The following ADGRA1 variants were observed in gnomAD, a reference collection of about 807,000 sequenced individuals.
ADGRA1 encodes adhesion G protein-coupled receptor A1, also known as G-protein coupled receptor 123.
ADGRA1 carries 12 observed loss-of-function variants against 21.3 expected under a neutral mutation model. The observed-to-expected ratio is 0.56, with a 90% confidence interval of 0.36 to 0.91. The LOEUF is 0.91. ADGRA1 is among the 40% of genes least tolerant of loss of function. The pLI, the probability that ADGRA1 is intolerant of heterozygous loss-of-function variation, is 0.01. For missense variants in ADGRA1, 790 were observed against 805.6 expected (o/e 0.98, Z 0.23); for synonymous variants, 385 against 368.8 (o/e 1.04, Z -0.50).
At chr10:133,103,397 GC>G (rs1048489858) in intron 5 of ADGRA1, among the ~76,000 whole-genome samples, 6 of 152,236 alleles carry the variant, frequency 3.9e-5, no homozygotes, top group African/African-American at 1.4e-4. Flanking sequence ...CCTGGCCTGG[GC>G]CCTTCAGGCC....
chr10:133,092,839 GGGAA>G lies in ADGRA1; in HGVS notation c.3+3964_3+3967del, dbSNP rs879206917. Among the ~76,000 whole-genome samples the G allele has an allele frequency of 9.8e-3, 739 of 75,646 alleles. 4 individuals are homozygous for G. Among genetic ancestry groups the G allele is most frequent in the South Asian group, 0.039 (67 of 1,700 alleles). The allele number at this position is 75,646 out of a possible 152,430, so 49.6% of individuals were successfully genotyped here. On this transcript the variant is annotated intron_variant, in intron 2 of 6. Transcript: ENST00000392607. ...GGGAAGGAAGGAAGAGAGGGAGGGAGGGAAGGAAGGAAGGAAGGAAGGAAGGAAG... is the reference window on the plus strand; with the variant it reads ...GGGAAGGAAGGAAGAGAGGGAGGGAGGGAAGGAAGGAAGGAAGGAAGGAAG...
intron 1 of ADGRA1, 132 bp from the exon 2 acceptor site, chr10:133,088,576 C>T: frequency 2.3e-6 from 1 of 441,718 alleles, no homozygotes. Flanking sequence ...CAGCCCCAGG[C>T]GCAGCCCCCA....
intron 4 of ADGRA1, among the ~76,000 whole-genome samples, chr10:133,099,780 G>C (rs1327849329): frequency 6.6e-6 from 1 of 152,190 alleles, no homozygotes; most frequent in African/African-American, 2.4e-5. Context: ...GCCCAGTACA[G>C]TCACCTCCAG....
intron 2 of ADGRA1, among the ~76,000 whole-genome samples, chr10:133,090,657 T>C (rs547572804): frequency 6.6e-6 from 1 of 152,214 alleles, no homozygotes; most frequent in Non-Finnish European, 1.5e-5. Flanking sequence ...GAAGGAAGCC[T>C]GGAGGCCGTG....
rs78264747 is a variant in ADGRA1, at chr10:133,092,156, G to A, written c.3+3244G>A. Among the ~76,000 whole-genome samples the A allele has an allele frequency of 1.2e-4, 19 of 152,354 alleles. No homozygotes were observed. The East Asian group carries it at 2.1e-3, about 17-fold the overall frequency. Reference sequence around the variant, plus strand: ...TCAGGAGGTGGGAGGGGCCCGGGACGCAGGGCCTCTCACAGGGCGTAAGGA... The same window carrying A: ...TCAGGAGGTGGGAGGGGCCCGGGACACAGGGCCTCTCACAGGGCGTAAGGA... On this transcript the variant is annotated intron_variant, in intron 2 of 6. Transcript: ENST00000392607.
intron 5 of ADGRA1, among the ~76,000 whole-genome samples, chr10:133,119,987 T>C (rs1451263188): frequency 6.6e-6 from 1 of 152,240 alleles, no homozygotes; most frequent in Non-Finnish European, 1.5e-5. Flanking sequence ...CTGGCTCCGT[T>C]AGCCCCTAGC....
At chr10:133,122,128 G>C (rs1056889035) in intron 5 of ADGRA1, among the ~76,000 whole-genome samples, 1 of 152,232 alleles carries the variant, frequency 6.6e-6, no homozygotes, top group Non-Finnish European at 1.5e-5. Flanking sequence ...GAGAGGCGCA[G>C]CATGGAGGCA....
In ADGRA1 at chr10:133,129,413, G is replaced by C. The variant is rs1407091318; in HGVS notation, c.1585G>C (p.Gly529Arg). 5.6e-6 allele frequency: 9 copies of C among 1,605,946 alleles called. No homozygotes were observed. Among genetic ancestry groups the C allele is most frequent in the Admixed American group, 1.7e-5 (1 of 59,936 alleles). ...SLPFGGPSQNGLPKGKLLEGL... is the reference protein window; with the variant it reads ...SLPFGGPSQNRLPKGKLLEGL... ...GCCCTTTGGTGGCCCCAGCCAGAACGGGCTGCCCAAGGGTAAATTGCTAGA... is the reference window on the plus strand; with the variant it reads ...GCCCTTTGGTGGCCCCAGCCAGAACCGGCTGCCCAAGGGTAAATTGCTAGA... Residue 529 changes from glycine (G) to arginine (R), a missense_variant, in exon 7 of 7, where the codon GGG becomes CGG. Around this residue, in one of 3 missense-constraint regions of ADGRA1, gnomAD observed 391 missense variants for 351.5 expected, o/e 1.11. Coordinates refer to ENST00000392607, the MANE Select transcript of ADGRA1 (RefSeq NM_001083909.3).
intron 2 of ADGRA1, among the ~76,000 whole-genome samples, chr10:133,089,454 G>A (rs1851562173): frequency 6.6e-6 from 1 of 152,272 alleles, no homozygotes; most frequent in Non-Finnish European, 1.5e-5. Context: ...GTGGCTGGCA[G>A]CTGGCTGGAT....
chr10:133,123,154 T>TCCTCACAAGC (rs1245205495), intron 5 of ADGRA1, among the ~76,000 whole-genome samples: 1 of 152,146 alleles, frequency 6.6e-6, no homozygotes, highest in African/African-American at 2.4e-5. Context: ...GCCTGCTAAC[T>TCCTCACAAGC]CCTCACAAGC....
Position 133,088,893 on chromosome 10 carries a change from G to A in ADGRA1, c.-17G>A, listed in dbSNP as rs1288491878. 1.6e-6 allele frequency: 2 copies of A among 1,240,878 alleles called. No homozygotes were observed. Among genetic ancestry groups the A allele is most frequent in the Admixed American group, 4.1e-5 (1 of 24,236 alleles). The allele number at this position is 1,240,878 out of a possible 1,614,324, so 76.9% of individuals were successfully genotyped here. On this transcript the variant is annotated 5_prime_UTR_variant, in exon 2 of 7. Transcript: ENST00000392607. ...CTCCTCCAGCGGCGCTCACGCTTCC[G>A]CAACTTTGCAGCGCTCATGGTGAGT...
chr10:133,123,025 G>A (rs901054121), intron 5 of ADGRA1, among the ~76,000 whole-genome samples: 1 of 152,198 alleles, frequency 6.6e-6, no homozygotes, highest in Non-Finnish European at 1.5e-5. Flanking sequence ...CACGGGACCC[G>A]CTTCTGGCGA....
intron 4 of ADGRA1, among the ~76,000 whole-genome samples, chr10:133,100,006 C>T (rs1488236912): frequency 6.6e-6 from 1 of 152,252 alleles, no homozygotes. Context: ...CCTGCCACGG[C>T]CACGGGCTTC....
At chr10:133,106,827 G>A (rs145180743) in intron 5 of ADGRA1, among the ~76,000 whole-genome samples, 163 of 152,346 alleles carry the variant, frequency 1.1e-3, no homozygotes, top group Admixed American at 2.2e-3. Context: ...TCTCACCCCC[G>A]CGGCTCAGAG....
intron 2 of ADGRA1, chr10:133,095,573 C>G (rs1851673271): frequency 4.1e-6 from 6 of 1,466,168 alleles, no homozygotes; most frequent in Non-Finnish European, 5.4e-6. Context: ...CGGTGCCCGC[C>G]TGGCCAGTGC....
intron 5 of ADGRA1, among the ~76,000 whole-genome samples, chr10:133,104,834 G>A (rs1384234580): frequency 6.6e-6 from 1 of 152,200 alleles, no homozygotes; most frequent in South Asian, 2.1e-4. Context: ...TTTGCCGAGG[G>A]CCTGCCCTCT....
intron 5 of ADGRA1, among the ~76,000 whole-genome samples, chr10:133,107,749 G>T (rs1441882869): frequency 6.6e-6 from 1 of 151,804 alleles, no homozygotes; most frequent in African/African-American, 2.4e-5. Context: ...TTCTTCTCTG[G>T]CCCATTGGTT....
At chr10:133,102,650 GGGGT>G in intron 4 of ADGRA1, 43 bp from the exon 5 acceptor site, 2 of 1,576,106 alleles carry the variant, frequency 1.3e-6, no homozygotes, top group Non-Finnish European at 1.7e-6. Context: ...TGGGCTCTGG[GGGGT>G]GGGTGCCCGC....
At chr10:133,098,182 G>A (rs1397065668) in intron 3 of ADGRA1, among the ~76,000 whole-genome samples, 1 of 152,140 alleles carries the variant, frequency 6.6e-6, no homozygotes, top group African/African-American at 2.4e-5. Flanking sequence ...CCACAGGAGG[G>A]CATGGCCGGC....
Sources: allele counts gnomAD v4.1 joint callset (sites outside exome capture counted in the v4.1 genomes callset), GRCh38; gene constraint gnomAD v4.1.1; regional missense constraint gnomAD v4.1.1; transcripts MANE v1.5; gene names NCBI Gene and HGNC (gene_info 2026-07-23, HGNC 2026-07-21).